Variants in PTPRT observed in about 807,000 individuals in gnomAD.
PTPRT encodes receptor-type tyrosine-protein phosphatase T.
A neutral mutation model predicts 176.8 loss-of-function variants in PTPRT; 56 were observed. The ratio of observed to expected loss-of-function variants is 0.32; its 90% CI spans 0.26 to 0.40. PTPRT has a LOEUF of 0.40. Ranked by LOEUF, PTPRT falls within the 10% of genes least tolerant of loss-of-function variation. The pLI is 1.00. For synonymous variants in PTPRT, 783 were observed against 739.0 expected, an observed-to-expected ratio of 1.06 and a Z score of -0.96; for missense variants, 1,540 against 1,908.2, an observed-to-expected ratio of 0.81 and a Z score of 3.60.
chr20:43,060,129 TG>T (rs1371757599), intron 1 of PTPRT, among the ~76,000 whole-genome samples: 1 of 152,132 alleles, frequency 6.6e-6, no homozygotes, highest in African/African-American at 2.4e-5. Context: ...CATTTTCAGG[TG>T]TTTGGCACAG....
At chr20:43,104,475 G>A (rs1054752864) in intron 1 of PTPRT, among the ~76,000 whole-genome samples, 5 of 152,112 alleles carry the variant, frequency 3.3e-5, no homozygotes, top group African/African-American at 1.2e-4. Context: ...TACCAACTAT[G>A]ACCCCAGGCA....
intron 1 of PTPRT, among the ~76,000 whole-genome samples, chr20:43,043,027 T>A (rs1394187270): frequency 6.6e-6 from 1 of 152,156 alleles, no homozygotes; most frequent in East Asian, 1.9e-4. Flanking sequence ...CCCATCTGAA[T>A]CACAGAAAGG....
In PTPRT at chr20:43,076,235, C is replaced by T. The variant is rs115473068; in HGVS notation, c.88+113411G>A. On this transcript the variant is annotated intron_variant, in intron 1 of 30. Coordinates refer to ENST00000373187, the MANE Select transcript of PTPRT (RefSeq NM_007050.6). ...ATTTTTCCAGCAAAATCTCTACCTT[C>T]CCAGTTTCTCATGATTCCTAGTGTC... Among the ~76,000 whole-genome samples, 661 of 152,270 alleles carry T rather than the reference C, an allele frequency of 4.3e-3. 6 individuals are homozygous for T. Among genetic ancestry groups the T allele is most frequent in the Middle Eastern group, 0.017 (5 of 294 alleles).
At chr20:42,771,854 G>T (rs901875866) in intron 4 of PTPRT, among the ~76,000 whole-genome samples, 1 of 152,196 alleles carries the variant, frequency 6.6e-6, no homozygotes, top group African/African-American at 2.4e-5. Flanking sequence ...ATATCCAGAG[G>T]GGGAGGGAAC....
At chr20:43,140,841 T>C (rs1341862962) in intron 1 of PTPRT, among the ~76,000 whole-genome samples, 2 of 152,208 alleles carry the variant, frequency 1.3e-5, no homozygotes, top group Non-Finnish European at 2.9e-5. Flanking sequence ...AGTCAATTAC[T>C]CCCAACCACC....
intron 6 of PTPRT, among the ~76,000 whole-genome samples, chr20:42,694,360 G>T (rs529179349): frequency 6.6e-6 from 1 of 151,996 alleles, no homozygotes; most frequent in Non-Finnish European, 1.5e-5. Flanking sequence ...TTGTGTGCAC[G>T]GATAGTTCAT....
chr20:42,988,724 C>T (rs1983733991), intron 1 of PTPRT, among the ~76,000 whole-genome samples: 1 of 152,180 alleles, frequency 6.6e-6, no homozygotes, highest in Admixed American at 6.5e-5. Flanking sequence ...GAACCTGTGA[C>T]TGGGTCAGTC....
At chr20:43,124,941 T>C (rs544187666) in intron 1 of PTPRT, among the ~76,000 whole-genome samples, 2 of 152,142 alleles carry the variant, frequency 1.3e-5, no homozygotes, top group African/African-American at 4.8e-5. Context: ...CCTAATTTTA[T>C]GAATAAGGAA....
chr20:42,238,852 T>C (rs1035312646), intron 14 of PTPRT, among the ~76,000 whole-genome samples: 10 of 152,202 alleles, frequency 6.6e-5, no homozygotes, highest in Non-Finnish European at 1.3e-4. Flanking sequence ...ACTAACTGCA[T>C]GACCTTGAAC....
chr20:42,688,759 A>G (rs1378078705), intron 6 of PTPRT, among the ~76,000 whole-genome samples: 3 of 152,110 alleles, frequency 2.0e-5, no homozygotes, highest in Non-Finnish European at 4.4e-5. Flanking sequence ...CTGATGCCCC[A>G]CTGTTCTCAG....
chr20:42,562,971 A>G (rs2145656495), intron 7 of PTPRT, among the ~76,000 whole-genome samples: 1 of 152,350 alleles, frequency 6.6e-6, no homozygotes, highest in Admixed American at 6.5e-5. Flanking sequence ...AAGTGCTAGA[A>G]GAAAATCTGA....
intron 1 of PTPRT, among the ~76,000 whole-genome samples, chr20:43,085,207 C>T (rs569888553): frequency 1.3e-5 from 2 of 152,292 alleles, no homozygotes; most frequent in Admixed American, 1.3e-4. Flanking sequence ...GCTGTCACCG[C>T]ATTCCTCTCA....
intron 7 of PTPRT, among the ~76,000 whole-genome samples, chr20:42,532,087 G>A (rs2072394227): frequency 6.6e-6 from 1 of 152,254 alleles, no homozygotes. Context: ...AGTGCTGTGG[G>A]ACCCTTTGTC....
At chr20:42,854,278 T>G (rs2078525227) in intron 2 of PTPRT, among the ~76,000 whole-genome samples, 1 of 152,192 alleles carries the variant, frequency 6.6e-6, no homozygotes. Flanking sequence ...TACTAGGTAC[T>G]GAAAATAGAG....
At chr20:42,228,760 A>G (rs59848120) in intron 15 of PTPRT, among the ~76,000 whole-genome samples, 2,296 of 152,324 alleles carry the variant, frequency 0.015, 50 homozygotes, top group African/African-American at 0.053. Flanking sequence ...TCTAATCAAC[A>G]CAATCTTATG....
At chr20:42,743,112 A>T (rs928177825) in intron 6 of PTPRT, among the ~76,000 whole-genome samples, 1 of 152,164 alleles carries the variant, frequency 6.6e-6, no homozygotes, top group Admixed American at 6.5e-5. Flanking sequence ...CTGAGAACAG[A>T]TGATCAGCTG....
At chr20:43,186,227 A>T (rs1234012428) in intron 1 of PTPRT, among the ~76,000 whole-genome samples, 1 of 152,250 alleles carries the variant, frequency 6.6e-6, no homozygotes, top group Admixed American at 6.5e-5. Flanking sequence ...TGACTTGCCC[A>T]AGCCGGCATA....
At chr20:43,141,162 T>C (rs1324593616) in intron 1 of PTPRT, among the ~76,000 whole-genome samples, 1 of 152,232 alleles carries the variant, frequency 6.6e-6, no homozygotes, top group Non-Finnish European at 1.5e-5. Context: ...AACAAATCAC[T>C]GGTCATTAAT....
At chr20:42,880,902 G>A (rs556976522) in intron 2 of PTPRT, among the ~76,000 whole-genome samples, 1 of 152,332 alleles carries the variant, frequency 6.6e-6, no homozygotes, top group South Asian at 2.1e-4. Flanking sequence ...ATAACAGTAG[G>A]TGTGTGTAAC....
Sources: gnomAD v4.1 joint callset for allele counts (sites outside exome capture counted in the v4.1 genomes callset) on GRCh38, gnomAD v4.1.1 for gene constraint, MANE v1.5 for transcripts, NCBI Gene and HGNC (gene_info 2026-07-23, HGNC 2026-07-21) for gene names.